The following CDK14 variants were observed in gnomAD, a reference collection of about 807,000 sequenced individuals.
The protein encoded by CDK14 is cyclin dependent kinase 14.
Under a neutral mutation model 60.7 loss-of-function variants are expected in CDK14, and 34 were observed. That is an observed-to-expected ratio of 0.56 (90% CI 0.43 to 0.75). CDK14 has a LOEUF of 0.75. CDK14 is among the 30% of genes least tolerant of loss of function. The probability of loss-of-function intolerance (pLI) is 0.00; values close to 1 mark genes in which losing one functional copy is unlikely to be tolerated. For synonymous variants in CDK14, 197 were observed against 203.7 expected, an observed-to-expected ratio of 0.97 and a Z score of 0.28; for missense variants, 482 against 564.1, an observed-to-expected ratio of 0.85 and a Z score of 1.47.
rs147052123 is a variant in CDK14, at chr7:91,137,207, G to C, written c.*28+18999G>C. Among the ~76,000 whole-genome samples the C allele has an allele frequency of 6.5e-3, 988 of 152,280 alleles. 15 individuals carry two copies. The highest frequency in any genetic ancestry group is 0.023 in the African/African-American group (942 of 41,554). On this transcript the variant is annotated intron_variant, in intron 14 of 14. Coordinates refer to ENST00000380050, the MANE Select transcript of CDK14 (RefSeq NM_001287135.2). ...GATCTAAGTAAACTCTGCTTTGCTG[G>C]AAGTGGTGCATTTCTTTCTCCAGCT... is the stretch of plus-strand genomic sequence containing the variant.
chr7:90,987,801 T>G (rs1458981139), intron 10 of CDK14, among the ~76,000 whole-genome samples: 1 of 152,132 alleles, frequency 6.6e-6, no homozygotes, highest in Non-Finnish European at 1.5e-5. Flanking sequence ...TAGATCCACT[T>G]TAACAGGCCT....
At chr7:90,895,288 G>A (rs1003816864) in intron 6 of CDK14, among the ~76,000 whole-genome samples, 7 of 143,548 alleles carry the variant, frequency 4.9e-5, no homozygotes, top group African/African-American at 1.5e-4. Flanking sequence ...CACAATTTTA[G>A]TTGTCACTTT....
chr7:90,847,540 C>A (rs1368145922), intron 5 of CDK14, among the ~76,000 whole-genome samples: 1 of 152,120 alleles, frequency 6.6e-6, no homozygotes, highest in African/African-American at 2.4e-5. Flanking sequence ...AATTTCTTTT[C>A]ATAGCTTGAG....
At chr7:90,890,258 A>G (rs976156540) in intron 6 of CDK14, among the ~76,000 whole-genome samples, 1 of 152,168 alleles carries the variant, frequency 6.6e-6, no homozygotes, top group African/African-American at 2.4e-5. Context: ...CTGTAGTCCT[A>G]GCTACTTGGG....
chr7:90,661,189 AT>A (rs1800858998), intron 2 of CDK14, among the ~76,000 whole-genome samples: 2 of 152,326 alleles, frequency 1.3e-5, no homozygotes, highest in South Asian at 4.1e-4. Context: ...AGAGTCTGAA[AT>A]TTGCCTAATG....
intron 11 of CDK14, among the ~76,000 whole-genome samples, chr7:91,050,718 T>C (rs896593755): frequency 1.3e-5 from 2 of 152,174 alleles, no homozygotes; most frequent in Admixed American, 6.5e-5. Context: ...AGAGATTCAG[T>C]TGGCTCCAGG....
chr7:91,082,272 G>A (rs1798503489), intron 12 of CDK14, among the ~76,000 whole-genome samples: 1 of 152,204 alleles, frequency 6.6e-6, no homozygotes, highest in Non-Finnish European at 1.5e-5. Context: ...CTTTTAAACA[G>A]CTGAATGATT....
intron 10 of CDK14, among the ~76,000 whole-genome samples, chr7:91,021,790 G>C (rs756336264): frequency 6.6e-6 from 1 of 152,064 alleles, no homozygotes; most frequent in Non-Finnish European, 1.5e-5. Context: ...AACTTTCATT[G>C]GTCACCATAC....
At chr7:90,888,668 C>T (rs895171735) in intron 6 of CDK14, among the ~76,000 whole-genome samples, 8 of 152,184 alleles carry the variant, frequency 5.3e-5, no homozygotes, top group African/African-American at 1.9e-4. Flanking sequence ...TAAGATATTC[C>T]TGAGTACTAT....
chr7:90,944,503 C>T (rs536245642), intron 8 of CDK14, among the ~76,000 whole-genome samples: 1 of 152,274 alleles, frequency 6.6e-6, no homozygotes, highest in African/African-American at 2.4e-5. Flanking sequence ...GAAGCTGAGG[C>T]GGGAGGACCA....
chr7:90,887,218 CT>C (rs1470267965), intron 6 of CDK14, among the ~76,000 whole-genome samples: 2 of 152,172 alleles, frequency 1.3e-5, no homozygotes, highest in Non-Finnish European at 2.9e-5. Flanking sequence ...GCACAATACT[CT>C]GTAGGTAATT....
At chr7:91,049,732 A>C (rs1034878744) in intron 11 of CDK14, among the ~76,000 whole-genome samples, 1 of 152,242 alleles carries the variant, frequency 6.6e-6, no homozygotes, top group Non-Finnish European at 1.5e-5. Flanking sequence ...ATGTCTATGA[A>C]ATAAGTTAAA....
chr7:90,934,493 G>A (rs763852115), intron 8 of CDK14, among the ~76,000 whole-genome samples: 1 of 152,188 alleles, frequency 6.6e-6, no homozygotes, highest in Non-Finnish European at 1.5e-5. Context: ...AGCAGAGATG[G>A]CAGCAAAAAG....
intron 11 of CDK14, among the ~76,000 whole-genome samples, chr7:91,055,422 A>G (rs553083299): frequency 6.6e-6 from 1 of 152,316 alleles, no homozygotes; most frequent in South Asian, 2.1e-4. Context: ...ATTTATTTTC[A>G]CTAGAGGGCA....
intron 4 of CDK14, among the ~76,000 whole-genome samples, chr7:90,769,813 A>G (rs1804715759): frequency 6.6e-6 from 1 of 152,164 alleles, no homozygotes; most frequent in Non-Finnish European, 1.5e-5. Context: ...CTATGAACAG[A>G]GAAAGCTGAT....
intron 5 of CDK14, among the ~76,000 whole-genome samples, chr7:90,795,633 T>C (rs1232495500): frequency 6.6e-6 from 1 of 152,006 alleles, no homozygotes; most frequent in East Asian, 1.9e-4. Flanking sequence ...GGTAGAACAA[T>C]AGGTTTTTGT....
chr7:91,031,702 C>A (rs916358365), intron 10 of CDK14, among the ~76,000 whole-genome samples: 1 of 151,892 alleles, frequency 6.6e-6, no homozygotes, highest in Non-Finnish European at 1.5e-5. Flanking sequence ...AGGTTCAAAG[C>A]AAGAAAAAAA....
At chr7:90,840,487 T>C (rs2117142885) in intron 5 of CDK14, among the ~76,000 whole-genome samples, 1 of 152,306 alleles carries the variant, frequency 6.6e-6, no homozygotes, top group Non-Finnish European at 1.5e-5. Flanking sequence ...TCCCATTTGA[T>C]GTATTAAGAT....
rs920814185 is a variant in CDK14, at chr7:91,008,116, C to T, written c.1041+23875C>T. Among the ~76,000 whole-genome samples the T allele has an allele frequency of 2.7e-4, 29 of 109,182 alleles. No individual in the cohort carries two copies. The East Asian group carries it at 2.7e-3, about 10-fold the overall frequency. The allele number at this position is 109,182 out of a possible 152,430, so 71.6% of individuals were successfully genotyped here. ...GGTGCCTAGAAATGGGAGCCAGTGC[C>T]GGGAGAAGGCCAAAAAAAAAAAAAA... is the stretch of plus-strand genomic sequence containing the variant. On this transcript the variant is annotated intron_variant, in intron 10 of 14. Coordinates refer to ENST00000380050, the MANE Select transcript of CDK14 (RefSeq NM_001287135.2).
Sources: gnomAD v4.1 joint callset for allele counts (sites outside exome capture counted in the v4.1 genomes callset) on GRCh38, gnomAD v4.1.1 for gene constraint, MANE v1.5 for transcripts, NCBI Gene and HGNC (gene_info 2026-07-23, HGNC 2026-07-21) for gene names.